PER2: variants seen among roughly 807,000 people sequenced by gnomAD.
PER2 encodes the protein period circadian protein homolog 2.
In PER2, 66 loss-of-function variants were observed where a neutral mutation model predicts 121.0. That is an observed-to-expected ratio of 0.55 (90% CI 0.45 to 0.67). The LOEUF (loss-of-function observed/expected upper bound fraction) is 0.67, where lower values mean the gene tolerates loss of function less well. PER2 is among the 30% of genes least tolerant of loss of function. The pLI, the probability that PER2 is intolerant of heterozygous loss-of-function variation, is 0.00. For synonymous variants in PER2, 684 were observed against 659.9 expected, an observed-to-expected ratio of 1.04 and a Z score of -0.56; for missense variants, 1,521 against 1,635.0, an observed-to-expected ratio of 0.93 and a Z score of 1.20.
intron 18 of PER2, chr2:238,255,123 C>T (rs1476457220): frequency 1.2e-5 from 2 of 168,172 alleles, no homozygotes; most frequent in African/African-American, 2.4e-5. Context: ...TTCAACCCCC[C>T]AAGTGGCACC....
rs547046426 is a variant in PER2 at position 238,258,679 on chromosome 2, T to G, written c.1628-35A>C. On this transcript the variant is annotated intron_variant, in intron 14 of 22. Coordinates refer to ENST00000254657, the MANE Select transcript of PER2 (RefSeq NM_022817.3). The stretch of plus-strand genomic sequence containing the variant: ...TGGCAAAATTGTTCTTTCATTCATT[T>G]TTCTCCCACAGAAAACGCTGTGTAT... The G allele has an allele frequency of 1.9e-6, 3 of 1,608,920 alleles. No homozygotes were observed. In the South Asian group the frequency reaches 3.3e-5, roughly 18 times the overall value.
intron 20 of PER2, 26 bp downstream of exon 20, chr2:238,251,573 C>T: frequency 1.2e-6 from 2 of 1,611,930 alleles, no homozygotes; most frequent in Non-Finnish European, 1.7e-6. Flanking sequence ...TCCCAAGTGC[C>T]TAACACCCCG....
chr2:238,254,499 T>C (rs1695703090), intron 18 of PER2, among the ~76,000 whole-genome samples: 1 of 152,216 alleles, frequency 6.6e-6, no homozygotes, highest in South Asian at 2.1e-4. Context: ...GGCAAACTCC[T>C]ATGTAAATGG....
At chr2:238,285,602 A>G (rs112632847) in intron 1 of PER2, among the ~76,000 whole-genome samples, 20 of 152,310 alleles carry the variant, frequency 1.3e-4, no homozygotes, top group African/African-American at 4.8e-4. Flanking sequence ...TCAGTGTTCA[A>G]TCACCAGAGG....
At chr2:238,272,640 C>G (rs1696325335) in intron 5 of PER2, among the ~76,000 whole-genome samples, 1 of 152,242 alleles carries the variant, frequency 6.6e-6, no homozygotes, top group African/African-American at 2.4e-5. Context: ...CCCATGTGCC[C>G]TCCAAGGGGC....
intron 1 of PER2, 147 bp from the exon 2 acceptor site, chr2:238,278,102 CTT>C (rs1696514623): frequency 8.8e-6 from 8 of 911,450 alleles, no homozygotes; most frequent in African/African-American, 1.6e-5. Flanking sequence ...CTCTCTCTCT[CTT>C]TCTTTCTTTC....
chr2:238,253,037 GCTGCAGCA>G lies in PER2; in HGVS notation c.2978_2985del (p.Leu993ProfsTer6). On this transcript the variant is annotated frameshift_variant, in exon 19 of 23. Coordinates refer to ENST00000254657, the MANE Select transcript of PER2 (RefSeq NM_022817.3). LOFTEE classifies it high-confidence loss of function. The surrounding 1 kb of genome is among the most constrained non-coding windows in gnomAD (Gnocchi z 5.6). ...GTGCCACCCTCAGGGGCTTCCTCCA[GCTGCAGCA>G]GGTTGAGCTGCAGGGGCGAGCTGCT... 1 of 1,613,868 alleles carries G rather than the reference GCTGCAGCA, an allele frequency of 6.2e-7. No individual in the cohort carries two copies. Among genetic ancestry groups the G allele is most frequent in the Non-Finnish European group, 8.5e-7 (1 of 1,179,994 alleles).
chr2:238,271,473 A>G lies in PER2; in HGVS notation c.611T>C (p.Ile204Thr). 1.2e-6 allele frequency: 2 copies of G among 1,614,068 alleles called. No individual in the cohort carries two copies. The highest frequency in any genetic ancestry group is 1.7e-6 in the Non-Finnish European group (2 of 1,179,918). ...AVAVSLVSGK[I>T]LYISDQVASI... is the part of the protein sequence containing the mutation. The stretch of plus-strand genomic sequence containing the variant: ...TGCAACCTGGTCAGAGATGTACAGG[A>G]TCTTCCCAGACACCAGGGACACGGC... The change falls in exon 6 of 23, where the codon ATC becomes ACC. Residue 204 changes from isoleucine to threonine, a missense_variant. By Grantham distance (89) the Ile-to-Thr change is moderately conservative. Coordinates refer to ENST00000254657, the MANE Select transcript of PER2 (RefSeq NM_022817.3).
Position 238,252,962 on chromosome 2 carries a change from C to T in PER2, c.3061G>A (p.Asp1021Asn), listed in dbSNP as rs762309053. 6.8e-6 allele frequency: 11 copies of T among 1,613,834 alleles called. No homozygotes were observed. In the Admixed American group the frequency reaches 1.3e-4, roughly 20 times the overall value. Residue 1021 changes from aspartate to asparagine, a missense_variant, in exon 19 of 23, where the codon GAC (aspartate) becomes AAC (asparagine). By Grantham distance (23) the Asp-to-Asn change is conservative. Transcript: ENST00000254657. The surrounding 1 kb of genome is among the most constrained non-coding windows in gnomAD (Gnocchi z 4.2). ...GATETAAVGA[D>N]CKPGTSRDQQ... is the part of the protein sequence containing the mutation. ...TCCCGAGAAGTGCCAGGTTTGCAGT[C>T]CGCCCCTACAGCTGCTGTCTCTGTG...
At chr2:238,246,711 CTAA>C (rs1695461880) in intron 22 of PER2, among the ~76,000 whole-genome samples, 187 bp from the exon 23 acceptor site, 1 of 152,160 alleles carries the variant, frequency 6.6e-6, no homozygotes, top group African/African-American at 2.4e-5. Flanking sequence ...CCCATCTCTA[CTAA>C]TAATACAAAA....
chr2:238,252,897 T>C lies in PER2; in HGVS notation c.3111+15A>G, dbSNP rs750930852. ...TGCTGCCTGCTTTGGGGAAAGAGCA[T>C]CAGAAAATCCTTACGGTCAGAGGCG... On this transcript the variant is annotated intron_variant, in intron 19 of 22. Coordinates refer to ENST00000254657, the MANE Select transcript of PER2 (RefSeq NM_022817.3). The surrounding 1 kb of genome is among the most constrained non-coding windows in gnomAD (Gnocchi z 4.2). 2 of 1,610,794 alleles carry C rather than the reference T, an allele frequency of 1.2e-6. No individual in the cohort carries two copies. The highest frequency in any genetic ancestry group is 1.1e-5 in the South Asian group (1 of 90,984).
At chr2:238,269,395 A>G (rs1696214771) in intron 6 of PER2, among the ~76,000 whole-genome samples, 1 of 143,800 alleles carries the variant, frequency 7.0e-6, no homozygotes, top group Non-Finnish European at 1.5e-5. Context: ...CTCACGGTGC[A>G]CTGCTGCAAA....
intron 21 of PER2, among the ~76,000 whole-genome samples, chr2:238,250,204 C>A (rs1316470003): frequency 6.6e-6 from 1 of 152,242 alleles, no homozygotes; most frequent in Non-Finnish European, 1.5e-5. Flanking sequence ...ACCCCATTTA[C>A]CTCACAGGGT....
At position 238,253,392 on chromosome 2, in the gene PER2, T is replaced by G. The variant is rs140265208; in HGVS notation, c.2631A>C (p.Thr877=). Residue 877 remains threonine (T), a synonymous_variant, in exon 19 of 23, where the codon ACA becomes ACC. Transcript: ENST00000254657. This position sits in a 1 kb window ranked among gnomAD's most constrained non-coding sequence, Gnocchi z 5.6. ...GGAGGTCCACGGGCACAGCAGGCAC[T>G]GTGAAGCTGGCGTGGGGAGGTGCCG... ...APPAPPHASF[T]VPAVPVDLQH... is the part of the protein sequence containing the mutation. The G allele has an allele frequency of 1.2e-6, 2 of 1,611,036 alleles. No homozygotes were observed. The highest frequency in any genetic ancestry group is 2.2e-5 in the South Asian group (2 of 90,904).
chr2:238,290,346 C>T (rs1238737496), upstream of PER2, among the ~76,000 whole-genome samples: 2 of 152,006 alleles, frequency 1.3e-5, no homozygotes, highest in East Asian at 1.9e-4. Context: ...CCGGCTGCTG[C>T]GCCCTGCACA....
upstream of PER2, among the ~76,000 whole-genome samples, chr2:238,293,854 G>C (rs74483710): frequency 6.6e-6 from 1 of 152,138 alleles, no homozygotes; most frequent in Non-Finnish European, 1.5e-5. Context: ...GCTGTATGGC[G>C]CTCCTGGTTT....
At position 238,252,881 on chromosome 2, in the gene PER2, C is replaced by T; in HGVS notation, c.3111+31G>A. 1 of 1,601,790 alleles carries T rather than the reference C, an allele frequency of 6.2e-7. No individual in the cohort carries two copies. The highest frequency in any genetic ancestry group is 8.5e-7 in the Non-Finnish European group (1 of 1,171,140). ...TGCCAGGTGTGCTGTTTGCTGCCTG[C>T]TTTGGGGAAAGAGCATCAGAAAATC... On this transcript the variant is annotated intron_variant, in intron 19 of 22. Transcript: ENST00000254657. This position sits in a 1 kb window ranked among gnomAD's most constrained non-coding sequence, Gnocchi z 4.2.
Position 238,277,761 on chromosome 2 carries a change from TCA to T in PER2, c.174_175del (p.Cys58Ter), listed in dbSNP as rs1355166847. ...CATCCCCAGCTCCTTCCCACTGTCGTCACAGTCACTGCCCTGCGAGTCCCGCC... is the reference window on the plus strand; with the variant it reads ...CATCCCCAGCTCCTTCCCACTGTCGTCAGTCACTGCCCTGCGAGTCCCGCC... On this transcript the variant is annotated stop_gained and frameshift_variant, in exon 2 of 23. Transcript: ENST00000254657. LOFTEE classifies it high-confidence loss of function. 6.2e-7 allele frequency: 1 copy of T among 1,614,172 alleles called. No individual in the cohort carries two copies.
chr2:238,279,706 C>T (rs986601883), intron 1 of PER2, among the ~76,000 whole-genome samples: 3 of 152,234 alleles, frequency 2.0e-5, no homozygotes, highest in Non-Finnish European at 4.4e-5. Context: ...GCCTCCCCTT[C>T]CACCTCCTTC....
Sources: gnomAD v4.1 joint callset for allele counts (sites outside exome capture counted in the v4.1 genomes callset) on GRCh38, gnomAD v4.1.1 for gene constraint, Gnocchi (gnomAD v3.1) non-coding constraint, MANE v1.5 for transcripts, NCBI Gene and HGNC (gene_info 2026-07-23, HGNC 2026-07-21) for gene names.